KIF26B: variants seen among roughly 807,000 people sequenced by gnomAD.
KIF26B encodes kinesin-like protein KIF26B.
Under a neutral mutation model 151.2 loss-of-function variants are expected in KIF26B, and 63 were observed. The observed-to-expected ratio is 0.42, with a 90% CI of 0.34 to 0.51. The LOEUF (loss-of-function observed/expected upper bound fraction) is 0.51, where lower values mean the gene tolerates loss of function less well. Among genes scored for constraint, KIF26B ranks in the 20% least tolerant of loss-of-function variants. The pLI is 0.07. For synonymous variants in KIF26B, 1,357 were observed against 1,262.1 expected, an observed-to-expected ratio of 1.08 and a Z score of -1.59; for missense variants, 2,813 against 2,913.6, an observed-to-expected ratio of 0.97 and a Z score of 0.79.
chr1:245,560,975 TAGC>T lies in KIF26B; in HGVS notation c.1350+20029_1350+20031del, dbSNP rs2042941694. On this transcript the variant is annotated intron_variant, in intron 5 of 14. Transcript: ENST00000407071. The surrounding 1 kb of genome is among the most constrained non-coding windows in gnomAD (Gnocchi z 4.3). ...CTAGCCCCATGGGACACCTGACTGA[TAGC>T]AGCCTGTGCAGATGTGAGGAACAGA... Among the ~76,000 whole-genome samples, 1 of 152,186 alleles carries T rather than the reference TAGC, an allele frequency of 6.6e-6. No individual in the cohort carries two copies. The highest frequency in any genetic ancestry group is 2.1e-4 in the South Asian group (1 of 4,830).
rs541498328 is a variant in KIF26B, at chr1:245,606,711, C to A, written c.1558-940C>A. Among the ~76,000 whole-genome samples, 2 of 152,290 alleles carry A rather than the reference C, an allele frequency of 1.3e-5. No individual in the cohort carries two copies. The highest frequency in any genetic ancestry group is 3.9e-4 in the East Asian group (2 of 5,184). On this transcript the variant is annotated intron_variant, in intron 6 of 14. Transcript: ENST00000407071. The surrounding 1 kb of genome is among the most constrained non-coding windows in gnomAD (Gnocchi z 4.6). The stretch of plus-strand genomic sequence containing the variant: ...CACCTAATAACATACCATGTGGTGA[C>A]TGATACTCTATATGTTGAATGTATC...
At chr1:245,558,325 G>A (rs538310829) in intron 5 of KIF26B, among the ~76,000 whole-genome samples, 68 of 152,228 alleles carry the variant, frequency 4.5e-4, no homozygotes, top group Admixed American at 9.2e-4. Context: ...TGCTTCTCTC[G>A]CCTGCCCCCT....
At chr1:245,204,866 G>C (rs1168962363) in intron 2 of KIF26B, among the ~76,000 whole-genome samples, 2 of 151,804 alleles carry the variant, frequency 1.3e-5, no homozygotes, top group Non-Finnish European at 2.9e-5. Flanking sequence ...CTGCAGCGTC[G>C]AACTCCTCAG....
chr1:245,173,657 G>A (rs927685257), intron 2 of KIF26B, among the ~76,000 whole-genome samples: 2 of 152,152 alleles, frequency 1.3e-5, no homozygotes, highest in East Asian at 1.9e-4. Context: ...CCTGCTCCCC[G>A]GCCTCCCTGT....
At chr1:245,607,135 A>G (rs1419703289) in intron 6 of KIF26B, among the ~76,000 whole-genome samples, 1 of 151,954 alleles carries the variant, frequency 6.6e-6, no homozygotes, top group Non-Finnish European at 1.5e-5. Context: ...CAGGAGAGAA[A>G]GCAGATATAT....
chr1:245,360,992 G>A (rs531363519), intron 2 of KIF26B, among the ~76,000 whole-genome samples: 24 of 152,300 alleles, frequency 1.6e-4, no homozygotes, highest in Non-Finnish European at 3.5e-4. Flanking sequence ...GAAAGACTCT[G>A]TCTCAAAAAT....
intron 2 of KIF26B, among the ~76,000 whole-genome samples, chr1:245,349,027 C>T (rs992706868): frequency 6.6e-6 from 1 of 152,138 alleles, no homozygotes; most frequent in Non-Finnish European, 1.5e-5. Context: ...TCACATGTGA[C>T]GTGACCTGTG....
chr1:245,527,877 GGTGTTTACA>G (rs764772243), intron 4 of KIF26B, among the ~76,000 whole-genome samples: 166 of 152,036 alleles, frequency 1.1e-3, no homozygotes, highest in Admixed American at 2.2e-3. Flanking sequence ...TGGTGTCTTA[GGTGTTTACA>G]GTTCTTTTAA....
At chr1:245,273,923 C>G (rs1670894861) in intron 2 of KIF26B, among the ~76,000 whole-genome samples, 1 of 152,096 alleles carries the variant, frequency 6.6e-6, no homozygotes, top group Non-Finnish European at 1.5e-5. Flanking sequence ...TTTTATCTAC[C>G]TTGTAGCTCT....
At chr1:245,366,293 G>A (rs1366783739) in intron 2 of KIF26B, among the ~76,000 whole-genome samples, 1 of 152,182 alleles carries the variant, frequency 6.6e-6, no homozygotes, top group East Asian at 1.9e-4. Flanking sequence ...AGCACTTTGG[G>A]AGGCCGAGGC....
rs73132054 is a variant in KIF26B at position 245,409,110 on chromosome 1, A to T, written c.1000-10469A>T. 6.7e-3 allele frequency among the ~76,000 whole-genome samples: 1,013 copies of T among 152,238 alleles called. 9 individuals are homozygous for T. The highest frequency in any genetic ancestry group is 0.023 in the African/African-American group (955 of 41,528). On this transcript the variant is annotated intron_variant, in intron 3 of 14. Transcript: ENST00000407071. ...CGCTGAAAACACCCCCCAAAACATC[A>T]CTGAGGAATAAGTATTGAGATCCAG...
At chr1:245,569,921 T>A (rs1048846460) in intron 5 of KIF26B, among the ~76,000 whole-genome samples, 2 of 140,082 alleles carry the variant, frequency 1.4e-5, no homozygotes, top group African/African-American at 2.7e-5. Context: ...ACGTTGTAAA[T>A]AGAGAATTTT....
At chr1:245,211,346 G>C (rs1669523701) in intron 2 of KIF26B, among the ~76,000 whole-genome samples, 1 of 152,202 alleles carries the variant, frequency 6.6e-6, no homozygotes, top group Admixed American at 6.5e-5. Context: ...CCTGCCCGCT[G>C]TGACTGTCTA....
intron 2 of KIF26B, among the ~76,000 whole-genome samples, chr1:245,182,973 G>A (rs1668935061): frequency 6.6e-6 from 1 of 152,160 alleles, no homozygotes; most frequent in African/African-American, 2.4e-5. Flanking sequence ...CCAAATGGCA[G>A]CACCATTTTA....
chr1:245,336,082 AGGGTCCC>A (rs1558393478), intron 2 of KIF26B, among the ~76,000 whole-genome samples: 5 of 130,494 alleles, frequency 3.8e-5, no homozygotes, highest in African/African-American at 1.8e-4. Context: ...CAGGGAAAGG[AGGGTCCC>A]ACGCAGGGAA....
chr1:245,240,672 C>G (rs12069436), intron 2 of KIF26B, among the ~76,000 whole-genome samples: 1 of 152,138 alleles, frequency 6.6e-6, no homozygotes, highest in Admixed American at 6.6e-5. Context: ...GGGGAGACAG[C>G]AGAGAAGAGC....
intron 10 of KIF26B, among the ~76,000 whole-genome samples, chr1:245,682,482 C>T (rs1229809203): frequency 4.1e-5 from 5 of 120,958 alleles, no homozygotes; most frequent in Non-Finnish European, 6.8e-5. Context: ...TGATCACAAC[C>T]TAACTGAGCA....
At chr1:245,205,839 C>T (rs1295238918) in intron 2 of KIF26B, among the ~76,000 whole-genome samples, 1 of 144,794 alleles carries the variant, frequency 6.9e-6, no homozygotes, top group African/African-American at 2.6e-5. Context: ...CTCTCCCCCA[C>T]CCCCACCCAC....
intron 3 of KIF26B, among the ~76,000 whole-genome samples, chr1:245,393,627 C>T (rs1673753278): frequency 6.6e-6 from 1 of 152,114 alleles, no homozygotes; most frequent in Non-Finnish European, 1.5e-5. Context: ...CTTGAAGAAG[C>T]CATTTTCTTC....
Sources: gnomAD v4.1 joint callset for allele counts (sites outside exome capture counted in the v4.1 genomes callset) on GRCh38, gnomAD v4.1.1 for gene constraint, Gnocchi (gnomAD v3.1) non-coding constraint, MANE v1.5 for transcripts, NCBI Gene and HGNC (gene_info 2026-07-23, HGNC 2026-07-21) for gene names.